The following ESR1 variants were observed in gnomAD, a reference collection of about 807,000 sequenced individuals.
ESR1 encodes estrogen receptor.
A neutral mutation model predicts 52.7 loss-of-function variants in ESR1; 12 were observed. That is an observed-to-expected ratio of 0.23 (90% confidence interval 0.15 to 0.37). The LOEUF is 0.37. Among genes scored for constraint, ESR1 ranks in the 10% least tolerant of loss-of-function variants. The pLI is 1.00. For missense variants in ESR1, 584 were observed against 779.7 expected (o/e 0.75, Z 2.99); for synonymous variants, 305 against 316.8 (o/e 0.96, Z 0.39).
At chr6:151,980,973 A>T (rs2039939613) in intron 4 of ESR1, among the ~76,000 whole-genome samples, 1 of 152,198 alleles carries the variant, frequency 6.6e-6, no homozygotes, top group South Asian at 2.1e-4. Flanking sequence ...AAGTGCTGGG[A>T]TTATAGGCAT....
At chr6:151,842,176 C>A (rs1784394426) in intron 1 of ESR1, among the ~76,000 whole-genome samples, 1 of 152,172 alleles carries the variant, frequency 6.6e-6, no homozygotes, top group Admixed American at 6.5e-5. Flanking sequence ...TCCATCAGTT[C>A]ATCTGAGTTC....
chr6:151,685,107 C>CTTTTTTTTTTTTTT (rs772122906), intron 1 of ESR1, among the ~76,000 whole-genome samples: 1 of 72,950 alleles, frequency 1.4e-5, no homozygotes. Context: ...ACACTGGCCT[C>CTTTTTTTTTTTTTT]TTTTTTTTTT....
At chr6:151,822,399 T>C (rs894670959) in intron 1 of ESR1, among the ~76,000 whole-genome samples, 5 of 152,072 alleles carry the variant, frequency 3.3e-5, no homozygotes, top group Non-Finnish European at 7.4e-5. Context: ...ACAAAATGAG[T>C]TCCTCTAAGG....
chr6:151,677,899 T>G (rs1163004840), intron 1 of ESR1, among the ~76,000 whole-genome samples: 1 of 152,204 alleles, frequency 6.6e-6, no homozygotes, highest in Non-Finnish European at 1.5e-5. Context: ...GGGTTATACT[T>G]CTTTACTCAT....
chr6:152,019,476 G>C (rs1374912739), intron 5 of ESR1, among the ~76,000 whole-genome samples: 1 of 152,166 alleles, frequency 6.6e-6, no homozygotes, highest in Non-Finnish European at 1.5e-5. Flanking sequence ...ATTCTTAAGA[G>C]ACTTAAGCCT....
intron 3 of ESR1, among the ~76,000 whole-genome samples, chr6:151,891,111 A>G (rs1240537918): frequency 1.5e-4 from 23 of 152,204 alleles, no homozygotes. Context: ...ATACCAGGCT[A>G]TGTTCAACTG....
At chr6:152,057,863 T>C (rs938432510) in intron 5 of ESR1, among the ~76,000 whole-genome samples, 1 of 152,126 alleles carries the variant, frequency 6.6e-6, no homozygotes, top group Admixed American at 6.5e-5. Context: ...AGGATACCAG[T>C]GAGAAGAGGC....
intron 6 of ESR1, among the ~76,000 whole-genome samples, chr6:152,116,329 C>T (rs1388859980): frequency 6.6e-6 from 1 of 152,072 alleles, no homozygotes; most frequent in Non-Finnish European, 1.5e-5. Flanking sequence ...CTGGAAGAAA[C>T]CAGTGGTTGA....
At chr6:152,016,477 T>C (rs1443041007) in intron 5 of ESR1, among the ~76,000 whole-genome samples, 1 of 152,194 alleles carries the variant, frequency 6.6e-6, no homozygotes, top group Non-Finnish European at 1.5e-5. Context: ...TTAATTACCA[T>C]CTTGGTGTTT....
intron 1 of ESR1, among the ~76,000 whole-genome samples, chr6:151,823,625 C>A (rs1409612955): frequency 1.3e-5 from 2 of 151,976 alleles, no homozygotes; most frequent in Non-Finnish European, 2.9e-5. Context: ...TCCCCCCTAC[C>A]CCCACCCCAC....
intron 2 of ESR1, among the ~76,000 whole-genome samples, chr6:151,727,003 C>A (rs983844336): frequency 2.6e-5 from 4 of 151,934 alleles, no homozygotes; most frequent in African/African-American, 9.7e-5. Flanking sequence ...TCTGTAGAAC[C>A]ATTTATCAGA....
intron 1 of ESR1, among the ~76,000 whole-genome samples, chr6:151,657,981 C>G (rs528816742): frequency 6.6e-6 from 1 of 152,128 alleles, no homozygotes; most frequent in Non-Finnish European, 1.5e-5. Flanking sequence ...TAAGTGCATC[C>G]CAAAAAACAT....
intron 5 of ESR1, among the ~76,000 whole-genome samples, chr6:152,026,077 C>T (rs1468830504): frequency 6.6e-6 from 1 of 151,964 alleles, no homozygotes; most frequent in Admixed American, 6.5e-5. Flanking sequence ...TCAGAGAATA[C>T]TGCTTGTATT....
chr6:151,783,262 G>A (rs1157014499), intron 2 of ESR1, among the ~76,000 whole-genome samples: 2 of 152,182 alleles, frequency 1.3e-5, no homozygotes, highest in African/African-American at 4.8e-5. Flanking sequence ...ATCCCCATAA[G>A]GGATCAGCAC....
chr6:151,787,856 G>T (rs1787169159), intron 2 of ESR1, among the ~76,000 whole-genome samples: 1 of 152,084 alleles, frequency 6.6e-6, no homozygotes, highest in Admixed American at 6.5e-5. Context: ...TTGCCTGATT[G>T]CTCTGGCCAG....
intron 2 of ESR1, among the ~76,000 whole-genome samples, chr6:151,780,376 G>GAAAAAAA (rs199984940): frequency 6.6e-6 from 1 of 151,414 alleles, no homozygotes; most frequent in African/African-American, 2.4e-5. Context: ...AAAAGAAAAA[G>GAAAAAAA]AAAAAAAACC....
intron 2 of ESR1, among the ~76,000 whole-genome samples, chr6:151,734,939 A>T (rs1288799253): frequency 2.0e-5 from 3 of 152,150 alleles, no homozygotes; most frequent in Admixed American, 6.5e-5. Flanking sequence ...CAAAAGATTT[A>T]AAAAAATGTG....
At chr6:152,022,025 T>A (rs896899184) in intron 5 of ESR1, among the ~76,000 whole-genome samples, 1 of 152,190 alleles carries the variant, frequency 6.6e-6, no homozygotes, top group Middle Eastern at 3.2e-3. Flanking sequence ...ATCAGCAGCA[T>A]GAAAACGGAC....
At chr6:152,056,315 C>T (rs539824902) in intron 5 of ESR1, among the ~76,000 whole-genome samples, 1 of 152,166 alleles carries the variant, frequency 6.6e-6, no homozygotes, top group Non-Finnish European at 1.5e-5. Context: ...TGAACAGCAT[C>T]TTAATTTGTT....
Sources: gnomAD v4.1 joint callset for allele counts (sites outside exome capture counted in the v4.1 genomes callset) on GRCh38, gnomAD v4.1.1 for gene constraint, MANE v1.5 for transcripts, NCBI Gene and HGNC (gene_info 2026-07-23, HGNC 2026-07-21) for gene names.